The following ASH2L variants were observed in gnomAD, a reference collection of about 807,000 sequenced individuals.
ASH2L encodes the protein ASH2 like, histone lysine methyltransferase complex subunit.
In ASH2L, 30 loss-of-function variants were observed where a neutral mutation model predicts 81.1. That is an observed-to-expected ratio of 0.37 (90% CI 0.28 to 0.50). The LOEUF (loss-of-function observed/expected upper bound fraction) is 0.50. ASH2L is among the 20% of genes least tolerant of loss of function. ASH2L has a pLI of 0.95. For missense variants in ASH2L, 559 were observed against 792.1 expected, an observed-to-expected ratio of 0.71 and a Z score of 3.53; for synonymous variants, 273 against 279.9, an observed-to-expected ratio of 0.98 and a Z score of 0.24.
chr8:38,121,341 A>T (rs954546849), intron 10 of ASH2L, among the ~76,000 whole-genome samples, 192 bp downstream of exon 10: 352 of 13,882 alleles, frequency 0.025, 6 homozygotes, highest in African/African-American at 0.056. Flanking sequence ...ATTTATATAT[A>T]TATATATATA....
At chr8:38,116,448 G>A (rs1024484100) in intron 7 of ASH2L, among the ~76,000 whole-genome samples, 2 of 151,590 alleles carry the variant, frequency 1.3e-5, no homozygotes, top group African/African-American at 2.4e-5. Flanking sequence ...CAAGAGAATC[G>A]CTTGAACCTG....
intron 10 of ASH2L, among the ~76,000 whole-genome samples, chr8:38,121,716 G>A (rs2843742): frequency 0.025 from 3,776 of 152,198 alleles, 71 homozygotes; most frequent in Non-Finnish European, 0.041. Flanking sequence ...AGATTTGTCT[G>A]ATGTTTTCTC....
intron 12 of ASH2L, among the ~76,000 whole-genome samples, chr8:38,130,827 G>A (rs376999368): frequency 7.2e-5 from 11 of 152,124 alleles, no homozygotes; most frequent in East Asian, 5.8e-4. Context: ...TTGAACTCCC[G>A]CCTCGGCCTC....
chr8:38,128,072 T>C (rs946686502), intron 10 of ASH2L, among the ~76,000 whole-genome samples: 1 of 151,922 alleles, frequency 6.6e-6, no homozygotes, highest in Admixed American at 6.6e-5. Context: ...TCACATGTAA[T>C]AAAAACTAAG....
intron 8 of ASH2L, among the ~76,000 whole-genome samples, chr8:38,118,472 A>C (rs1265986284): frequency 6.6e-6 from 1 of 152,198 alleles, no homozygotes; most frequent in African/African-American, 2.4e-5. Context: ...TATGTAGCTA[A>C]ATTTTTTGTA....
At position 38,110,834 on chromosome 8, in the gene ASH2L, G is replaced by A; in HGVS notation, c.585+1G>A. 2 of 1,612,038 alleles carry A rather than the reference G, an allele frequency of 1.2e-6. No homozygotes were observed. Among genetic ancestry groups the A allele is most frequent in the Non-Finnish European group, 1.7e-6 (2 of 1,178,880 alleles). ...GAAGACAATGTTCTCCAAAGATAAGGTAGAGGTGGAACTAATGTGATTGCA... is the reference window on the plus strand; with the variant it reads ...GAAGACAATGTTCTCCAAAGATAAGATAGAGGTGGAACTAATGTGATTGCA... On this transcript the variant is annotated splice_donor_variant, in intron 5 of 15. Coordinates refer to ENST00000343823, the MANE Select transcript of ASH2L (RefSeq NM_004674.5). LOFTEE classifies it high-confidence loss of function.
chr8:38,129,102 A>G, intron 12 of ASH2L, 151 bp downstream of exon 12: 4 of 1,216,768 alleles, frequency 3.3e-6, no homozygotes, highest in Non-Finnish European at 4.5e-6. Flanking sequence ...AACAGTAACA[A>G]TCGGTGCACA....
In ASH2L at chr8:38,139,902, CAA is replaced by C. The variant is rs998357770; in HGVS notation, c.*832_*833del. On this transcript the variant is annotated 3_prime_UTR_variant, in exon 16 of 16. Transcript: ENST00000343823. ...AAATCTGCCACCTTGAGGAGAGGAA[CAA>C]GAGTTTAAAAGGGCTAATGATCTCC... 3 of 152,108 alleles carry C rather than the reference CAA, an allele frequency of 2.0e-5. No individual in the cohort carries two copies. The highest frequency in any genetic ancestry group is 2.0e-4 in the Admixed American group (3 of 15,268). The allele number at this position is 152,108 out of a possible 1,614,324, so 9.4% of individuals were successfully genotyped here.
chr8:38,119,171 C>T, intron 8 of ASH2L, 99 bp from the exon 9 acceptor site: 1 of 1,070,948 alleles, frequency 9.3e-7, no homozygotes, highest in South Asian at 1.4e-5. Context: ...TGTGGTGTTA[C>T]ACAAATGCAC....
intron 8 of ASH2L, chr8:38,117,917 AGTGTGGTG>A (rs898578875): frequency 6.6e-6 from 1 of 152,004 alleles, no homozygotes; most frequent in Non-Finnish European, 1.5e-5. Flanking sequence ...AAATTAGCCA[AGTGTGGTG>A]GCAGGCGCCT....
intron 12 of ASH2L, among the ~76,000 whole-genome samples, chr8:38,131,741 A>T (rs1190407475): frequency 6.6e-6 from 1 of 152,200 alleles, no homozygotes; most frequent in Non-Finnish European, 1.5e-5. Flanking sequence ...TGATTATAAA[A>T]TGGTCTCTAA....
At chr8:38,112,568 T>A (rs1429787609) in intron 5 of ASH2L, among the ~76,000 whole-genome samples, 4 of 152,186 alleles carry the variant, frequency 2.6e-5, no homozygotes, top group African/African-American at 9.7e-5. Flanking sequence ...TGGCCATGTG[T>A]TAAACATCTT....
intron 12 of ASH2L, among the ~76,000 whole-genome samples, chr8:38,133,127 C>T (rs72643072): frequency 8.6e-5 from 13 of 151,570 alleles, no homozygotes; most frequent in Non-Finnish European, 1.3e-4. Context: ...ACTCAATAAA[C>T]GTCATTTTTT....
At chr8:38,114,123 C>A in intron 5 of ASH2L, 69 bp from the exon 6 acceptor site, 1 of 933,474 alleles carries the variant, frequency 1.1e-6, no homozygotes, top group Non-Finnish European at 1.6e-6. Context: ...TCGAAAAATG[C>A]TGTTTTCTTT....
intron 11 of ASH2L, 24 bp from the exon 12 acceptor site, chr8:38,128,734 C>T (rs1424969449): frequency 6.3e-7 from 1 of 1,596,334 alleles, no homozygotes; most frequent in African/African-American, 1.4e-5. Flanking sequence ...TTCTGACTTC[C>T]TGTGTATGTT....
rs1362800633 is a variant in ASH2L, at chr8:38,139,764, G to A, written c.*693G>A. 1 of 152,090 alleles carries A rather than the reference G, an allele frequency of 6.6e-6. No homozygotes were observed. Among genetic ancestry groups the A allele is most frequent in the Non-Finnish European group, 1.5e-5 (1 of 68,002 alleles). 9.4% of individuals were successfully genotyped at this position (152,090 alleles called of 1,614,324 possible). A position where few individuals can be genotyped will look rare whatever the true frequency, so the allele number is the denominator to read the frequency against. ...TTGGTGACAGTGTTCAGAAATGTAA[G>A]CAGCACGAGGAAGGGAGCTGGCACT... is the stretch of plus-strand genomic sequence containing the variant. On this transcript the variant is annotated 3_prime_UTR_variant, in exon 16 of 16. Transcript: ENST00000343823.
intron 3 of ASH2L, among the ~76,000 whole-genome samples, chr8:38,109,190 T>G (rs765850436): frequency 1.3e-5 from 2 of 152,254 alleles, no homozygotes; most frequent in Non-Finnish European, 2.9e-5. Flanking sequence ...TTACACCTGT[T>G]TGTATTTAAA....
intron 7 of ASH2L, among the ~76,000 whole-genome samples, chr8:38,115,878 T>C (rs764017399): frequency 3.3e-5 from 5 of 152,188 alleles, no homozygotes; most frequent in African/African-American, 4.8e-5. Context: ...GCAAGGTTGC[T>C]TGCTGGTCCT....
chr8:38,126,696 T>C (rs553438338), intron 10 of ASH2L, among the ~76,000 whole-genome samples: 1 of 149,986 alleles, frequency 6.7e-6, no homozygotes, highest in Admixed American at 6.7e-5. Context: ...CTACTGAAAA[T>C]ATAAAAAATT....
Sources: gnomAD v4.1 joint callset for allele counts (sites outside exome capture counted in the v4.1 genomes callset) on GRCh38, gnomAD v4.1.1 for gene constraint, MANE v1.5 for transcripts, NCBI Gene and HGNC (gene_info 2026-07-23, HGNC 2026-07-21) for gene names.